Variants in NTRK2 observed in about 807,000 individuals in gnomAD.
NTRK2 encodes neurotrophic receptor tyrosine kinase 2, also known as BDNF/NT-3 growth factors receptor.
In NTRK2, 13 loss-of-function variants were observed where a neutral mutation model predicts 94.5. The observed-to-expected ratio is 0.14, with a 90% CI of 0.09 to 0.22. The LOEUF is 0.22. NTRK2 is among the 10% of genes least tolerant of loss of function. The pLI is 1.00. For synonymous variants in NTRK2, 372 were observed against 407.4 expected (o/e 0.91, Z 1.05); for missense variants, 639 against 1,071.2 (o/e 0.60, Z 5.63).
At chr9:84,788,843 G>A (rs1483200902) in intron 12 of NTRK2, among the ~76,000 whole-genome samples, 1 of 152,016 alleles carries the variant, frequency 6.6e-6, no homozygotes, top group Non-Finnish European at 1.5e-5. Context: ...CAGACCAGGT[G>A]GCTACCTCCC....
chr9:85,014,811 T>A (rs1832041846), intron 17 of NTRK2, among the ~76,000 whole-genome samples: 1 of 152,224 alleles, frequency 6.6e-6, no homozygotes, highest in Non-Finnish European at 1.5e-5. Context: ...GGCCTGGGTA[T>A]TTTAACTAGA....
chr9:84,712,740 T>C (rs1353815636), intron 6 of NTRK2, among the ~76,000 whole-genome samples: 1 of 152,220 alleles, frequency 6.6e-6, no homozygotes, highest in African/African-American at 2.4e-5. Context: ...ATTACACATA[T>C]GATGTTTGTC....
intron 12 of NTRK2, among the ~76,000 whole-genome samples, chr9:84,801,639 A>G (rs1361624313): frequency 1.3e-5 from 2 of 152,178 alleles, no homozygotes; most frequent in African/African-American, 4.8e-5. Context: ...TAAGTGTCTG[A>G]GCAGTTTTAA....
chr9:84,735,871 T>C (rs1456320586), intron 9 of NTRK2, among the ~76,000 whole-genome samples: 1 of 152,186 alleles, frequency 6.6e-6, no homozygotes, highest in Admixed American at 6.5e-5. Flanking sequence ...GAGTGGAGAT[T>C]AGAAGTGATG....
At chr9:84,952,273 G>A (rs1280916693) in intron 16 of NTRK2, among the ~76,000 whole-genome samples, 1 of 152,124 alleles carries the variant, frequency 6.6e-6, no homozygotes, top group Non-Finnish European at 1.5e-5. Flanking sequence ...CCTCTCTGCT[G>A]AGGTGCTTGT....
chr9:84,672,236 C>T (rs2058745917), intron 2 of NTRK2, among the ~76,000 whole-genome samples: 2 of 152,162 alleles, frequency 1.3e-5, no homozygotes, highest in Non-Finnish European at 1.5e-5. Context: ...GTGTAAGCCT[C>T]AGGCAAAAGG....
intron 12 of NTRK2, among the ~76,000 whole-genome samples, chr9:84,763,000 G>A (rs890969681): frequency 1.4e-4 from 21 of 152,166 alleles, no homozygotes; most frequent in Non-Finnish European, 2.8e-4. Context: ...CAAGTCATAG[G>A]TGTACCATCT....
intron 17 of NTRK2, among the ~76,000 whole-genome samples, chr9:84,962,722 G>A (rs1174897953): frequency 6.6e-6 from 1 of 152,168 alleles, no homozygotes; most frequent in Non-Finnish European, 1.5e-5. Context: ...GCTTTCTCGT[G>A]CCTGTGATAT....
At chr9:84,788,020 A>G (rs1033109403) in intron 12 of NTRK2, among the ~76,000 whole-genome samples, 1 of 152,214 alleles carries the variant, frequency 6.6e-6, no homozygotes, top group Non-Finnish European at 1.5e-5. Context: ...GGATTAAATG[A>G]ATTAATATAT....
chr9:84,854,942 G>A (rs188606537), intron 12 of NTRK2, among the ~76,000 whole-genome samples: 9 of 78,808 alleles, frequency 1.1e-4, no homozygotes, highest in East Asian at 4.0e-4. Context: ...GCGAGACTCC[G>A]TCTCAAAAAA....
At chr9:85,004,495 A>G (rs2133444319) in intron 17 of NTRK2, among the ~76,000 whole-genome samples, 1 of 152,304 alleles carries the variant, frequency 6.6e-6, no homozygotes, top group Admixed American at 6.5e-5. Context: ...ATTAAAGTAG[A>G]TATTAACCAG....
At position 84,772,773 on chromosome 9, in the gene NTRK2, C is replaced by T. The variant is rs981630475; in HGVS notation, c.1396+20688C>T. 4.6e-5 allele frequency among the ~76,000 whole-genome samples: 7 copies of T among 152,074 alleles called. No individual in the cohort carries two copies. In the East Asian group the frequency reaches 5.8e-4, roughly 13 times the overall value. Reference sequence around the variant, plus strand: ...AGTGAGTAAGAGATCTCTGCACAGACGAGATGGAGAAGGAGGCAGTGTTAC... The same window carrying T: ...AGTGAGTAAGAGATCTCTGCACAGATGAGATGGAGAAGGAGGCAGTGTTAC... On this transcript the variant is annotated intron_variant, in intron 12 of 18. Coordinates refer to ENST00000277120, the MANE Select transcript of NTRK2 (RefSeq NM_006180.6).
At chr9:84,679,102 A>G (rs930434181) in intron 2 of NTRK2, among the ~76,000 whole-genome samples, 1 of 152,198 alleles carries the variant, frequency 6.6e-6, no homozygotes, top group Non-Finnish European at 1.5e-5. Context: ...CTCACCAGAT[A>G]TGAAACCTCC....
intron 6 of NTRK2, among the ~76,000 whole-genome samples, chr9:84,712,213 C>T (rs2061454572): frequency 6.6e-6 from 1 of 152,116 alleles, no homozygotes; most frequent in African/African-American, 2.4e-5. Flanking sequence ...TTTGTCCTTG[C>T]CTGAAACCAA....
At chr9:84,746,633 GT>G (rs1459487254) in intron 11 of NTRK2, among the ~76,000 whole-genome samples, 14 of 151,974 alleles carry the variant, frequency 9.2e-5, no homozygotes, top group African/African-American at 2.7e-4. Flanking sequence ...GGGTGACCTC[GT>G]CCTTCCCGAG....
At chr9:84,778,505 A>G (rs1406659098) in intron 12 of NTRK2, among the ~76,000 whole-genome samples, 1 of 152,188 alleles carries the variant, frequency 6.6e-6, no homozygotes, top group African/African-American at 2.4e-5. Flanking sequence ...CTTTGGACAC[A>G]AGGTGCCTGC....
intron 14 of NTRK2, among the ~76,000 whole-genome samples, chr9:84,908,580 T>C (rs1366437408): frequency 6.6e-5 from 10 of 152,210 alleles, no homozygotes. Flanking sequence ...ATACACATAC[T>C]CAATGCATGG....
intron 17 of NTRK2, among the ~76,000 whole-genome samples, chr9:84,988,001 C>T (rs1828540586): frequency 6.6e-6 from 1 of 152,240 alleles, no homozygotes; most frequent in Non-Finnish European, 1.5e-5. Context: ...GCTTACTTAG[C>T]CCCCATGGGG....
Position 84,948,573 on chromosome 9 carries a change from G to A in NTRK2, c.1876G>A (p.Gly626Ser), listed in dbSNP as rs2132885183. The change falls in exon 16 of 19, where the codon GGC becomes AGC. Residue 626 changes from glycine to serine, a missense_variant. Gly to Ser is a moderately conservative substitution (Grantham distance 56). Transcript: ENST00000277120. ...CAAGTTCTATGGCGTCTGCGTGGAG[G>A]GCGACCCCCTCATCATGGTCTTTGA... The part of the protein sequence containing the change: ...IVKFYGVCVE[G>S]DPLIMVFEYM... 1 of 1,614,060 alleles carries A rather than the reference G, an allele frequency of 6.2e-7. No homozygotes were observed. The highest frequency in any genetic ancestry group is 8.5e-7 in the Non-Finnish European group (1 of 1,180,034).
Sources: allele counts gnomAD v4.1 joint callset (sites outside exome capture counted in the v4.1 genomes callset), GRCh38; gene constraint gnomAD v4.1.1; transcripts MANE v1.5; gene names NCBI Gene and HGNC (gene_info 2026-07-23, HGNC 2026-07-21).